REPS2: variants seen among roughly 807,000 people sequenced by gnomAD.
The protein encoded by REPS2 is RALBP1 associated Eps domain containing 2, also known as ralBP1-associated Eps domain-containing protein 2.
Under a neutral mutation model 53.6 loss-of-function variants are expected in REPS2, and 23 were observed. The ratio of observed to expected loss-of-function variants is 0.43; its 90% CI spans 0.31 to 0.61. The LOEUF (loss-of-function observed/expected upper bound fraction) is 0.61, where lower values mean the gene tolerates loss of function less well. REPS2 is among the 20% of genes least tolerant of loss of function. REPS2 has a pLI of 0.11. For missense variants in REPS2, 446 were observed against 534.9 expected (o/e 0.83, Z 1.64); for synonymous variants, 238 against 218.6 (o/e 1.09, Z -0.78).
intron 14 of REPS2, among the ~76,000 whole-genome samples, chrX:17,128,621 C>T (rs778805670): frequency 6.3e-5 from 7 of 111,512 alleles, no homozygotes; most frequent in South Asian, 3.8e-4. Flanking sequence ...ACCAGAGGTA[C>T]GAAAAAAATA....
rs141772051 is a variant in REPS2, at chrX:17,094,702, G to A, written c.1517-9016G>A. On this transcript the variant is annotated intron_variant, in intron 13 of 17. Transcript: ENST00000357277. ...TTGTTTTGTTTTCTGAATGTTCTTTGTAAATAGCATCCCATTATTTCATCT... is the reference window on the plus strand; with the variant it reads ...TTGTTTTGTTTTCTGAATGTTCTTTATAAATAGCATCCCATTATTTCATCT... 7.9e-3 allele frequency among the ~76,000 whole-genome samples: 882 copies of A among 111,208 alleles called. 12 individuals are homozygous for A. Among genetic ancestry groups the A allele is most frequent in the African/African-American group, 0.028 (853 of 30,613 alleles).
intron 1 of REPS2, among the ~76,000 whole-genome samples, chrX:16,993,828 ACC>A: frequency 8.9e-6 from 1 of 112,590 alleles, no homozygotes; most frequent in Admixed American, 9.4e-5. Context: ...CCTCTATAAA[ACC>A]CAGGATTCTT....
chrX:17,050,457 T>G (rs1438160151), intron 6 of REPS2, among the ~76,000 whole-genome samples: 1 of 108,892 alleles, frequency 9.2e-6, no homozygotes, highest in Non-Finnish European at 1.9e-5. Flanking sequence ...GTGTCCCAAC[T>G]GCCTATAGTA....
At chrX:17,127,877 G>C (rs986254115) in intron 14 of REPS2, among the ~76,000 whole-genome samples, 13 of 111,886 alleles carry the variant, frequency 1.2e-4, no homozygotes, top group Non-Finnish European at 1.9e-4. Flanking sequence ...GTCATCTGAA[G>C]GCTTAACTGG....
At chrX:17,039,824 G>A (rs960180259) in intron 5 of REPS2, among the ~76,000 whole-genome samples, 2 of 112,283 alleles carry the variant, frequency 1.8e-5, no homozygotes, top group African/African-American at 3.2e-5. Context: ...GATTTACCTC[G>A]CAGGGTTGTG....
At chrX:16,959,490 C>T (rs917599993) in intron 1 of REPS2, among the ~76,000 whole-genome samples, 1 of 111,851 alleles carries the variant, frequency 8.9e-6, no homozygotes, top group African/African-American at 3.3e-5. Flanking sequence ...AGTGGAGTGA[C>T]CCTCTTGCAG....
intron 14 of REPS2, among the ~76,000 whole-genome samples, chrX:17,122,533 T>G (rs2063154634): frequency 8.9e-6 from 1 of 112,390 alleles, no homozygotes; most frequent in African/African-American, 3.2e-5. Context: ...AGTGTTTTCA[T>G]TTCTCTTGGA....
intron 5 of REPS2, among the ~76,000 whole-genome samples, chrX:17,046,666 G>C (rs916301556): frequency 8.9e-6 from 1 of 112,204 alleles, no homozygotes; most frequent in Non-Finnish European, 1.9e-5. Context: ...TGGTTTTCTA[G>C]GCTCTTAAAT....
At chrX:17,018,212 CTTTTTTTTTTTTT>C (rs200578522) in intron 2 of REPS2, among the ~76,000 whole-genome samples, 4 of 92,284 alleles carry the variant, frequency 4.3e-5, no homozygotes, top group Admixed American at 1.2e-4. Flanking sequence ...TGGCAACTGC[CTTTTTTTTTTTTT>C]TTTTTTTTTT....
chrX:17,048,753 C>T (rs2061941194), intron 6 of REPS2, among the ~76,000 whole-genome samples: 1 of 112,531 alleles, frequency 8.9e-6, no homozygotes, highest in East Asian at 2.8e-4. Flanking sequence ...GCAGTGCTCA[C>T]ATAAATGTGA....
intron 8 of REPS2, among the ~76,000 whole-genome samples, chrX:17,060,683 G>T (rs2062147331): frequency 1.8e-5 from 2 of 111,420 alleles, no homozygotes; most frequent in Admixed American, 1.9e-4. Flanking sequence ...GGCTCTGAGA[G>T]GGGGCTTGGA....
chrX:17,171,353 T>G, the REPS2 span, among the ~76,000 whole-genome samples: 20,823 of 110,805 alleles, frequency 0.19, 1,699 homozygotes, highest in African/African-American at 0.3. Context: ...GATTCTTAAA[T>G]GGCCAGTTCC....
chrX:16,958,214 A>G (rs1255387170), intron 1 of REPS2, among the ~76,000 whole-genome samples: 1 of 111,722 alleles, frequency 9.0e-6, no homozygotes, highest in Non-Finnish European at 1.9e-5. Context: ...TTGAGAGGCT[A>G]TTGCTTTCAT....
intron 1 of REPS2, among the ~76,000 whole-genome samples, chrX:17,004,417 T>C (rs2061339480): frequency 9.4e-6 from 1 of 106,794 alleles, no homozygotes; most frequent in East Asian, 2.9e-4. Context: ...ACTAACCTTT[T>C]TTTTTTTTTT....
intron 13 of REPS2, among the ~76,000 whole-genome samples, chrX:17,093,490 A>C (rs368412311): frequency 3.6e-5 from 4 of 110,176 alleles, no homozygotes; most frequent in Non-Finnish European, 7.6e-5. Flanking sequence ...AACTGGGGAC[A>C]AACTGAAGTC....
rs1414258180 is a variant in REPS2, at chrX:17,069,887, A to AT, written c.1280-45dup. 60 of 781,791 alleles carry AT rather than the reference A, an allele frequency of 7.7e-5. 1 individual carries two copies. Among genetic ancestry groups the AT allele is most frequent in the Non-Finnish European group, 9.6e-5 (54 of 559,728 alleles). The allele number at this position is 781,791 out of a possible 1,213,427, so 64.4% of individuals were successfully genotyped here. On this transcript the variant is annotated intron_variant, in intron 10 of 17. Coordinates refer to ENST00000357277, the MANE Select transcript of REPS2 (RefSeq NM_004726.3). ...TCAGAAATAACATTTTATAGTTTTA[A>AT]TTTTTTTTCCTCTTTTCTCTTTCTT...
At chrX:16,949,442 CT>C (rs1378365335) in intron 1 of REPS2, among the ~76,000 whole-genome samples, 4 of 112,407 alleles carry the variant, frequency 3.6e-5, no homozygotes, top group Non-Finnish European at 7.5e-5. Context: ...GAGTCTCGTT[CT>C]GTTGCCCAGG....
At chrX:17,074,083 A>G (rs750505958) in intron 11 of REPS2, 31 bp from the exon 12 acceptor site, 18 of 1,197,619 alleles carry the variant, frequency 1.5e-5, no homozygotes, top group Non-Finnish European at 2.0e-5. Context: ...TTAACTGCAG[A>G]AATGAAACCC....
chrX:17,027,318 C>T (rs1331443493), intron 4 of REPS2, among the ~76,000 whole-genome samples: 1 of 112,368 alleles, frequency 8.9e-6, no homozygotes, highest in Non-Finnish European at 1.9e-5. Context: ...TGACTGTACT[C>T]ATATGTGTTT....
Sources: allele counts gnomAD v4.1 joint callset (sites outside exome capture counted in the v4.1 genomes callset), GRCh38; gene constraint gnomAD v4.1.1; transcripts MANE v1.5; gene names NCBI Gene and HGNC (gene_info 2026-07-23, HGNC 2026-07-21).